The following FBXO4 variants were observed in gnomAD, a reference collection of about 807,000 sequenced individuals.
The protein encoded by FBXO4 is F-box only protein 4.
A neutral mutation model predicts 43.7 loss-of-function variants in FBXO4; 36 were observed. That is an observed-to-expected ratio of 0.82 (90% confidence interval 0.63 to 1.09). The LOEUF (loss-of-function observed/expected upper bound fraction) is 1.09, where lower values mean the gene tolerates loss of function less well. Among genes scored for constraint, FBXO4 ranks in the 50% least tolerant of loss-of-function variants. The probability of loss-of-function intolerance (pLI) is 0.00; values close to 1 mark genes in which losing one functional copy is unlikely to be tolerated. For missense variants in FBXO4, 435 were observed against 474.1 expected (o/e 0.92, Z 0.77); for synonymous variants, 180 against 165.6 (o/e 1.09, Z -0.67).
At chr5:42,016,839 A>G in the FBXO4 span, among the ~76,000 whole-genome samples, 1 of 152,076 alleles carries the variant, frequency 6.6e-6, no homozygotes, top group Non-Finnish European at 1.5e-5. Context: ...TTAGTTTTCA[A>G]TTTTATCCAC....
At chr5:41,949,874 C>A in the FBXO4 span, among the ~76,000 whole-genome samples, 1 of 152,034 alleles carries the variant, frequency 6.6e-6, no homozygotes, top group East Asian at 1.9e-4. Context: ...GATATATAGA[C>A]CAATGGAACA....
chr5:42,020,916 T>C, the FBXO4 span, among the ~76,000 whole-genome samples: 1 of 152,024 alleles, frequency 6.6e-6, no homozygotes, highest in Non-Finnish European at 1.5e-5. Context: ...GGAATCCAGG[T>C]AAACACTAGG....
chr5:42,019,428 C>T, the FBXO4 span, among the ~76,000 whole-genome samples: 47 of 152,288 alleles, frequency 3.1e-4, no homozygotes, highest in African/African-American at 1.0e-3. Context: ...GTGGCTCACG[C>T]CTGTAATCCC....
the FBXO4 span, among the ~76,000 whole-genome samples, chr5:42,009,130 GGT>G: frequency 2.0e-5 from 3 of 152,014 alleles, no homozygotes; most frequent in African/African-American, 7.2e-5. Flanking sequence ...CTTCAGGGCA[GGT>G]GCTGTGCAGT....
At chr5:41,980,032 T>C in the FBXO4 span, among the ~76,000 whole-genome samples, 2 of 151,974 alleles carry the variant, frequency 1.3e-5, no homozygotes, top group Non-Finnish European at 2.9e-5. Context: ...CAGGAGGAGG[T>C]CAGTCTGTCC....
chr5:41,933,845 T>G, intron 3 of FBXO4, 101 bp from the exon 4 acceptor site: 1 of 861,570 alleles, frequency 1.2e-6, no homozygotes, highest in African/African-American at 1.7e-5. Flanking sequence ...TGTTATAGAA[T>G]TTTTTCTTTA....
In FBXO4 at chr5:41,941,312, A is replaced by G; in HGVS notation, c.*31A>G. The G allele has an allele frequency of 1.3e-6, 2 of 1,587,174 alleles. No homozygotes were observed. Among genetic ancestry groups the G allele is most frequent in the Non-Finnish European group, 1.7e-6 (2 of 1,155,932 alleles). ...TTTTCAGATCTTGGGAACTGAAACC[A>G]TTTGAAATTTATTACTAAGGTCGTG... On this transcript the variant is annotated 3_prime_UTR_variant, in exon 7 of 7. Transcript: ENST00000281623.
the FBXO4 span, among the ~76,000 whole-genome samples, chr5:42,026,845 A>C: frequency 1.3e-5 from 2 of 152,102 alleles, no homozygotes; most frequent in African/African-American, 4.8e-5. Context: ...ATGATATATT[A>C]CACTGATTGA....
the FBXO4 span, among the ~76,000 whole-genome samples, chr5:42,024,923 T>C: frequency 6.6e-6 from 1 of 152,230 alleles, no homozygotes; most frequent in East Asian, 1.9e-4. Context: ...TGTGTATATG[T>C]ACCACATTTT....
the FBXO4 span, among the ~76,000 whole-genome samples, chr5:42,006,943 T>C: frequency 1.5e-5 from 2 of 137,470 alleles, no homozygotes; most frequent in African/African-American, 2.7e-5. Flanking sequence ...TACATACATA[T>C]ATATACATGA....
At chr5:41,957,104 A>G in the FBXO4 span, among the ~76,000 whole-genome samples, 1 of 151,972 alleles carries the variant, frequency 6.6e-6, no homozygotes, top group Admixed American at 6.6e-5. Flanking sequence ...TGTATTTACT[A>G]TTACTAGATT....
chr5:42,008,559 C>G, the FBXO4 span, among the ~76,000 whole-genome samples: 71 of 152,148 alleles, frequency 4.7e-4, no homozygotes, highest in Non-Finnish European at 8.4e-4. Context: ...TGCCTACAGA[C>G]ATGTCTAACT....
chr5:41,968,723 T>C, the FBXO4 span, among the ~76,000 whole-genome samples: 1 of 152,208 alleles, frequency 6.6e-6, no homozygotes, highest in Non-Finnish European at 1.5e-5. Context: ...TTTTTTCTGT[T>C]ACATACCGAA....
chr5:42,006,610 T>C, the FBXO4 span, among the ~76,000 whole-genome samples: 2 of 151,848 alleles, frequency 1.3e-5, no homozygotes, highest in African/African-American at 2.4e-5. Flanking sequence ...AAGTAATGTG[T>C]AAATATGAAG....
the FBXO4 span, among the ~76,000 whole-genome samples, chr5:41,983,514 C>A: frequency 6.6e-6 from 1 of 152,084 alleles, no homozygotes; most frequent in African/African-American, 2.4e-5. Context: ...TGAGAGTCAT[C>A]ATTTTATTAT....
At chr5:42,021,398 G>A in the FBXO4 span, among the ~76,000 whole-genome samples, 4 of 152,116 alleles carry the variant, frequency 2.6e-5, no homozygotes, top group South Asian at 4.1e-4. Flanking sequence ...CTTGATTTGA[G>A]CACCCTTTTA....
Position 41,929,716 on chromosome 5 carries a change from T to C in FBXO4, c.445T>C (p.Tyr149His), listed in dbSNP as rs1031536647. Residue 149 changes from tyrosine to histidine, a missense_variant, in exon 3 of 7, where the codon TAC becomes CAC. Physicochemically the swap from Tyr to His is moderately conservative, Grantham distance 83. Coordinates refer to ENST00000281623, the MANE Select transcript of FBXO4 (RefSeq NM_012176.3). ...TTACAGCTATAGAATGTGCTGTCCA[T>C]ACACAAGAAGAGCTTCAAAATCCAG... ...YMAVYRMCCP[Y>H]TRRASKSSRP... The C allele has an allele frequency of 1.2e-5, 19 of 1,610,748 alleles. No individual in the cohort carries two copies. The highest frequency in any genetic ancestry group is 1.6e-5 in the Non-Finnish European group (19 of 1,178,666).
the FBXO4 span, among the ~76,000 whole-genome samples, chr5:42,002,532 T>C: frequency 2.0e-5 from 3 of 152,228 alleles, no homozygotes. Flanking sequence ...GAAGGATTTC[T>C]TTCCCTAATA....
At chr5:42,036,559 T>C in the FBXO4 span, among the ~76,000 whole-genome samples, 1 of 152,104 alleles carries the variant, frequency 6.6e-6, no homozygotes, top group African/African-American at 2.4e-5. Context: ...TTAGTGAAAT[T>C]CAAATATTTA....
Sources: allele counts gnomAD v4.1 joint callset (sites outside exome capture counted in the v4.1 genomes callset), GRCh38; gene constraint gnomAD v4.1.1; transcripts MANE v1.5; gene names NCBI Gene and HGNC (gene_info 2026-07-23, HGNC 2026-07-21).